Variants in RAD51B observed in about 807,000 individuals in gnomAD.
The protein encoded by RAD51B is RAD51 paralog B, also known as DNA repair protein RAD51 homolog 2.
Under a neutral mutation model 42.2 loss-of-function variants are expected in RAD51B, and 38 were observed. That is an observed-to-expected ratio of 0.90 (90% confidence interval 0.70 to 1.18). The LOEUF is 1.18. RAD51B is among the 50% of genes most tolerant of loss of function. RAD51B has a pLI of 0.00. For missense variants in RAD51B, 373 were observed against 400.7 expected (o/e 0.93, Z 0.59); for synonymous variants, 154 against 145.2 (o/e 1.06, Z -0.43).
chr14:68,357,445 G>A (rs1489865927), intron 8 of RAD51B, among the ~76,000 whole-genome samples: 2 of 151,722 alleles, frequency 1.3e-5, no homozygotes, highest in East Asian at 3.9e-4. Context: ...ATTAAGGATG[G>A]TATTTTGACC....
intron 7 of RAD51B, among the ~76,000 whole-genome samples, chr14:68,022,229 C>T (rs1407115721): frequency 2.6e-5 from 4 of 152,100 alleles, no homozygotes; most frequent in Non-Finnish European, 5.9e-5. Flanking sequence ...TTATGGCCTC[C>T]AGCTTTCTCC....
chr14:68,335,016 G>C (rs927294536), intron 8 of RAD51B, among the ~76,000 whole-genome samples: 4 of 148,588 alleles, frequency 2.7e-5, no homozygotes, highest in African/African-American at 9.8e-5. Context: ...AAATATGTTG[G>C]CTGGGCGCAG....
At chr14:68,173,046 G>A (rs565633538) in intron 7 of RAD51B, among the ~76,000 whole-genome samples, 1 of 152,292 alleles carries the variant, frequency 6.6e-6, no homozygotes, top group South Asian at 2.1e-4. Context: ...TTTATTGCTT[G>A]TGAAAACCTA....
At chr14:68,663,760 T>C (rs896090065) in intron 11 of RAD51B, among the ~76,000 whole-genome samples, 16 of 152,174 alleles carry the variant, frequency 1.1e-4, no homozygotes, top group Non-Finnish European at 1.0e-4. Flanking sequence ...GGCACGGAAT[T>C]TGTGGTCTAA....
intron 7 of RAD51B, among the ~76,000 whole-genome samples, chr14:68,087,977 T>C (rs1004472672): frequency 3.1e-5 from 4 of 128,534 alleles, no homozygotes; most frequent in East Asian, 2.0e-4. Context: ...TTATTATATA[T>C]AATTATATAA....
chr14:68,595,334 AAAG>A (rs1890946337), exon 11 of RAD51B: 2 of 1,066,456 alleles, frequency 1.9e-6, no homozygotes, highest in Non-Finnish European at 2.3e-6. Context: ...GCCTTGAAGA[AAAG>A]AAGACCAGGG....
rs184497430 is a variant in RAD51B at position 68,278,039 on chromosome 14, A to G, written c.757-13845A>G. Among the ~76,000 whole-genome samples, 3 of 152,326 alleles carry G rather than the reference A, an allele frequency of 2.0e-5. No homozygotes were observed. The East Asian group carries it at 5.8e-4, about 29-fold the overall frequency. On this transcript the variant is annotated intron_variant, in intron 7 of 10. Transcript: ENST00000471583. ...ATTACAGGCGTGAGCCACTGCGACC[A>G]GCCAGAGGCGTGCTGTGTTCTATTG...
chr14:68,671,374 C>G (rs950465533), intron 11 of RAD51B, among the ~76,000 whole-genome samples: 4 of 152,142 alleles, frequency 2.6e-5, no homozygotes, highest in Non-Finnish European at 5.9e-5. Flanking sequence ...CCTATCCTAC[C>G]ACATCTCCAG....
chr14:67,927,618 G>T (rs10130605), intron 7 of RAD51B, among the ~76,000 whole-genome samples: 4 of 151,864 alleles, frequency 2.6e-5, no homozygotes, highest in Non-Finnish European at 4.4e-5. Context: ...CTTATTTTGC[G>T]TAACATAATG....
intron 10 of RAD51B, among the ~76,000 whole-genome samples, chr14:68,583,909 G>A (rs1012752405): frequency 2.4e-4 from 36 of 152,046 alleles, no homozygotes; most frequent in African/African-American, 5.1e-4. Flanking sequence ...CTTCACCCAC[G>A]GCTGGAGGTG....
rs556072455 is a variant in RAD51B at position 68,344,540 on chromosome 14, G to A, written c.853+52560G>A. On this transcript the variant is annotated intron_variant, in intron 8 of 10. Transcript: ENST00000471583. ...TGGGCGCCTGTAGTCCCAGCTACTC[G>A]GGAAGCTGAGGCAGGAGAATGGCGT... is the stretch of plus-strand genomic sequence containing the variant. Among the ~76,000 whole-genome samples, 6 of 152,238 alleles carry A rather than the reference G, an allele frequency of 3.9e-5. No individual in the cohort carries two copies. The South Asian group carries it at 1.2e-3, about 32-fold the overall frequency.
At chr14:68,098,389 A>G (rs1182983768) in intron 7 of RAD51B, among the ~76,000 whole-genome samples, 2 of 152,210 alleles carry the variant, frequency 1.3e-5, no homozygotes, top group Admixed American at 6.5e-5. Flanking sequence ...TAGACATACA[A>G]TGTTGGGTAG....
At chr14:68,312,922 G>A (rs1181215339) in intron 8 of RAD51B, among the ~76,000 whole-genome samples, 1 of 152,148 alleles carries the variant, frequency 6.6e-6, no homozygotes. Context: ...AAATACCTTC[G>A]TTTTACTAAC....
At chr14:68,491,643 C>G (rs760606950) in intron 10 of RAD51B, among the ~76,000 whole-genome samples, 7 of 152,186 alleles carry the variant, frequency 4.6e-5, no homozygotes, top group Non-Finnish European at 5.9e-5. Context: ...ATTCAGTCCC[C>G]AGCCTACCAC....
intron 4 of RAD51B, among the ~76,000 whole-genome samples, chr14:67,837,208 G>A (rs1956345): frequency 0.33 from 50,528 of 151,692 alleles, 8,825 homozygotes; most frequent in Middle Eastern, 0.45. Flanking sequence ...GGAATATACT[G>A]CCACCAGGTG....
At chr14:68,423,214 A>G (rs1007168461) in intron 9 of RAD51B, among the ~76,000 whole-genome samples, 1 of 152,164 alleles carries the variant, frequency 6.6e-6, no homozygotes, top group Admixed American at 6.5e-5. Flanking sequence ...TCTCTAACAG[A>G]ATTCTCTGAG....
intron 7 of RAD51B, among the ~76,000 whole-genome samples, chr14:68,103,446 G>A (rs1331646062): frequency 1.3e-5 from 2 of 152,056 alleles, no homozygotes; most frequent in African/African-American, 2.4e-5. Context: ...AAAATGAAGT[G>A]GCCCAGAGGC....
intron 11 of RAD51B, among the ~76,000 whole-genome samples, chr14:68,678,439 G>A (rs537272317): frequency 2.0e-5 from 3 of 152,328 alleles, no homozygotes; most frequent in African/African-American, 7.2e-5. Context: ...AGCTTTCTGT[G>A]TCTCTAGCAC....
rs74860703 is a variant in RAD51B, at chr14:67,821,729, T to G, written c.-2-1813T>G. 5.1e-4 allele frequency among the ~76,000 whole-genome samples: 78 copies of G among 152,332 alleles called. No individual in the cohort carries two copies. The East Asian group carries it at 0.014, about 28-fold the overall frequency. On this transcript the variant is annotated intron_variant, in intron 1 of 10. Coordinates refer to ENST00000471583, the MANE Select transcript of RAD51B (RefSeq NM_133510.4). ...TGCCTGCCTTAGCCTCCCAAAGTGC[T>G]GGGATTGTAGGCGTGAGCTACCTTG...
Sources: gnomAD v4.1 joint callset for allele counts (sites outside exome capture counted in the v4.1 genomes callset) on GRCh38, gnomAD v4.1.1 for gene constraint, MANE v1.5 for transcripts, NCBI Gene and HGNC (gene_info 2026-07-23, HGNC 2026-07-21) for gene names.